SPTBN4: variants seen among roughly 807,000 people sequenced by gnomAD.
The protein encoded by SPTBN4 is spectrin beta chain, non-erythrocytic 4.
A neutral mutation model predicts 277.8 loss-of-function variants in SPTBN4; 96 were observed. The ratio of observed to expected loss-of-function variants is 0.35; its 90% confidence interval spans 0.29 to 0.41. The LOEUF (loss-of-function observed/expected upper bound fraction) is 0.41, where lower values mean the gene tolerates loss of function less well. SPTBN4 is among the 10% of genes least tolerant of loss of function. The pLI, the probability that SPTBN4 is intolerant of heterozygous loss-of-function variation, is 1.00. For synonymous variants in SPTBN4, 1,481 were observed against 1,580.3 expected (o/e 0.94, Z 1.49); for missense variants, 3,006 against 3,595.7 (o/e 0.84, Z 4.19).
chr19:40,500,187 A>T (rs959224979), intron 7 of SPTBN4, among the ~76,000 whole-genome samples: 1 of 151,944 alleles, frequency 6.6e-6, no homozygotes, highest in Admixed American at 6.6e-5. Context: ...CCAGATCCCA[A>T]CTCAAAAAGC....
At chr19:40,524,955 T>C (rs1472564424) in intron 17 of SPTBN4, among the ~76,000 whole-genome samples, 1 of 152,210 alleles carries the variant, frequency 6.6e-6, no homozygotes, top group Non-Finnish European at 1.5e-5. Flanking sequence ...TCCTTTCTCA[T>C]CTTCCAGACC....
chr19:40,486,438 C>G (rs1358028849), intron 2 of SPTBN4, among the ~76,000 whole-genome samples: 2 of 151,444 alleles, frequency 1.3e-5, no homozygotes, highest in African/African-American at 4.8e-5. Context: ...GGCATGAGCA[C>G]AGGTCACTGC....
At chr19:40,467,623 C>CGGGG (rs562140429) in intron 1 of SPTBN4, among the ~76,000 whole-genome samples, 3 of 104,898 alleles carry the variant, frequency 2.9e-5, no homozygotes, top group Admixed American at 1.0e-4. Flanking sequence ...CCAGCCTTTG[C>CGGGG]GGGGGGGGGG....
At chr19:40,562,529 CAAAAAAAAAA>C (rs35366889) in intron 27 of SPTBN4, among the ~76,000 whole-genome samples, 1 of 55,704 alleles carries the variant, frequency 1.8e-5, no homozygotes, top group Non-Finnish European at 3.1e-5. Flanking sequence ...GACTCTGTGT[CAAAAAAAAAA>C]AAAAAAAAAA....
At chr19:40,486,786 T>C (rs936103157) in intron 2 of SPTBN4, among the ~76,000 whole-genome samples, 3 of 152,170 alleles carry the variant, frequency 2.0e-5, no homozygotes, top group African/African-American at 7.2e-5. Context: ...TATTTATCCG[T>C]GTCCTCTCTG....
intron 24 of SPTBN4, among the ~76,000 whole-genome samples, chr19:40,555,575 G>T (rs746446428): frequency 6.5e-4 from 99 of 151,636 alleles, no homozygotes; most frequent in Non-Finnish European, 1.2e-3. Flanking sequence ...ATTTAGGGAA[G>T]CGGAGCTTTC....
intron 20 of SPTBN4, among the ~76,000 whole-genome samples, chr19:40,542,577 CTGGGGACCCCA>C (rs1313406470): frequency 8.5e-5 from 13 of 152,062 alleles, no homozygotes; most frequent in Non-Finnish European, 1.8e-4. Context: ...GGCTCTGTCC[CTGGGGACCCCA>C]CACTTTTTCC....
intron 27 of SPTBN4, among the ~76,000 whole-genome samples, chr19:40,561,192 T>C (rs1480176138): frequency 3.3e-5 from 5 of 152,122 alleles, no homozygotes; most frequent in Non-Finnish European, 7.4e-5. Context: ...TTTGTATTTT[T>C]AGTAGAGAAA....
At chr19:40,500,906 G>C (rs763876947) in intron 7 of SPTBN4, among the ~76,000 whole-genome samples, 19 of 152,048 alleles carry the variant, frequency 1.2e-4, no homozygotes, top group Non-Finnish European at 2.4e-4. Flanking sequence ...AAGGAAACAG[G>C]CATAGTGTTT....
intron 27 of SPTBN4, among the ~76,000 whole-genome samples, chr19:40,561,035 A>G (rs777344009): frequency 7.2e-5 from 11 of 152,222 alleles, no homozygotes; most frequent in South Asian, 2.1e-4. Flanking sequence ...TTCTCTTGAG[A>G]TGGAGTCTTG....
chr19:40,473,356 T>TTTTTTG (rs1242194097), intron 2 of SPTBN4, among the ~76,000 whole-genome samples: 1 of 137,622 alleles, frequency 7.3e-6, no homozygotes, highest in Non-Finnish European at 1.6e-5. Context: ...GGCCTGGTGT[T>TTTTTTG]TTTTTTTTTT....
chr19:40,507,678 C>A (rs2080345581), intron 13 of SPTBN4, among the ~76,000 whole-genome samples: 1 of 151,974 alleles, frequency 6.6e-6, no homozygotes, highest in South Asian at 2.1e-4. Flanking sequence ...TCTAAAAATA[C>A]AAAAAAATTA....
chr19:40,492,416 C>A (rs2080149023), intron 4 of SPTBN4, among the ~76,000 whole-genome samples: 1 of 151,914 alleles, frequency 6.6e-6, no homozygotes, highest in Non-Finnish European at 1.5e-5. Flanking sequence ...TGCTAAAGGA[C>A]CAAGGAGGGA....
intron 31 of SPTBN4, 142 bp downstream of exon 31, chr19:40,568,424 G>T (rs2081119124): frequency 1.7e-6 from 2 of 1,206,386 alleles, no homozygotes; most frequent in East Asian, 2.7e-5. Context: ...TTTTGCAGAG[G>T]TGTAAACTGA....
At chr19:40,549,147 G>A (rs1324003103) in intron 20 of SPTBN4, 42 bp from the exon 21 acceptor site, 1 of 1,487,702 alleles carries the variant, frequency 6.7e-7, no homozygotes. Flanking sequence ...GCAGGATCAG[G>A]AGGGCGGGTG....
chr19:40,538,097 C>T (rs528185832), intron 20 of SPTBN4, among the ~76,000 whole-genome samples: 42 of 152,252 alleles, frequency 2.8e-4, no homozygotes, highest in African/African-American at 8.2e-4. Context: ...TAGTCAAGAA[C>T]GGCAGCCATG....
At chr19:40,543,913 A>G (rs2080827271) in intron 20 of SPTBN4, among the ~76,000 whole-genome samples, 1 of 152,136 alleles carries the variant, frequency 6.6e-6, no homozygotes, top group Non-Finnish European at 1.5e-5. Flanking sequence ...GAATAAATAA[A>G]TTTTCATGGT....
chr19:40,560,793 C>G lies in SPTBN4; in HGVS notation c.5915+390C>G. ...CATTAGTGGGCATGGGCTTATTGCT[C>G]ACATAGTGGTTGGATGTGAGTGTCC... On this transcript the variant is annotated intron_variant, in intron 27 of 35. Coordinates refer to ENST00000598249, the MANE Select transcript of SPTBN4 (RefSeq NM_020971.3). The surrounding 1 kb of genome is among the most constrained non-coding windows in gnomAD (Gnocchi z 5.2). 1 of 1,162,276 alleles carries G rather than the reference C, an allele frequency of 8.6e-7. No homozygotes were observed. The highest frequency in any genetic ancestry group is 1.1e-6 in the Non-Finnish European group (1 of 927,008). 72.0% of individuals were successfully genotyped at this position (1,162,276 alleles called of 1,614,324 possible). A position where few individuals can be genotyped will look rare whatever the true frequency, so the allele number is the denominator to read the frequency against.
chr19:40,516,479 AT>A (rs999848795), intron 15 of SPTBN4, among the ~76,000 whole-genome samples: 76 of 151,860 alleles, frequency 5.0e-4, no homozygotes, highest in African/African-American at 1.7e-3. Flanking sequence ...ATTAAAAAAA[AT>A]TTTTTTTGTA....
Sources: allele counts gnomAD v4.1 joint callset (sites outside exome capture counted in the v4.1 genomes callset), GRCh38; gene constraint gnomAD v4.1.1; non-coding constraint Gnocchi (gnomAD v3.1); transcripts MANE v1.5; gene names NCBI Gene and HGNC (gene_info 2026-07-23, HGNC 2026-07-21).